Variants in PTBP2 observed in about 807,000 individuals in gnomAD.
The protein encoded by PTBP2 is polypyrimidine tract binding protein 2.
A neutral mutation model predicts 61.4 loss-of-function variants in PTBP2; 13 were observed. The ratio of observed to expected loss-of-function variants is 0.21; its 90% CI spans 0.14 to 0.34. PTBP2 has a LOEUF of 0.34. Ranked by LOEUF, PTBP2 falls within the 10% of genes least tolerant of loss-of-function variation. The probability of loss-of-function intolerance (pLI) is 1.00; values close to 1 mark genes in which losing one functional copy is unlikely to be tolerated. For synonymous variants in PTBP2, 215 were observed against 218.5 expected, an observed-to-expected ratio of 0.98 and a Z score of 0.14; for missense variants, 405 against 642.6, an observed-to-expected ratio of 0.63 and a Z score of 4.00.
At chr1:96,792,920 A>G (rs1243481874) in intron 8 of PTBP2, among the ~76,000 whole-genome samples, 1 of 152,204 alleles carries the variant, frequency 6.6e-6, no homozygotes, top group African/African-American at 2.4e-5. Context: ...CTGTCCCCCA[A>G]GAAAGACCAA....
chr1:96,761,081 AG>A (rs1186009308), intron 3 of PTBP2, among the ~76,000 whole-genome samples: 1 of 152,218 alleles, frequency 6.6e-6, no homozygotes, highest in Non-Finnish European at 1.5e-5. Flanking sequence ...ATTTCTTGAA[AG>A]TTTAAGAGCA....
At chr1:96,787,364 G>C (rs1250352968) in intron 8 of PTBP2, among the ~76,000 whole-genome samples, 3 of 152,102 alleles carry the variant, frequency 2.0e-5, no homozygotes, top group Non-Finnish European at 4.4e-5. Context: ...TTACATTAAA[G>C]GCGTGTAAAT....
At chr1:96,760,648 T>C (rs917536742) in intron 3 of PTBP2, among the ~76,000 whole-genome samples, 2 of 152,084 alleles carry the variant, frequency 1.3e-5, no homozygotes, top group Middle Eastern at 3.2e-3. Flanking sequence ...GGTTTCGCCA[T>C]GTTGGCCAGG....
chr1:96,803,416 G>A (rs559522499), intron 8 of PTBP2, among the ~76,000 whole-genome samples: 1 of 150,616 alleles, frequency 6.6e-6, no homozygotes, highest in African/African-American at 2.4e-5. Context: ...AGCAAAGTAA[G>A]AAAAAAAGGA....
chr1:96,725,802 G>T (rs116480669), intron 2 of PTBP2, among the ~76,000 whole-genome samples: 8 of 151,724 alleles, frequency 5.3e-5, no homozygotes, highest in Non-Finnish European at 1.0e-4. Flanking sequence ...AATTCAGGCC[G>T]GGCGCGGTGG....
intron 3 of PTBP2, among the ~76,000 whole-genome samples, chr1:96,761,125 T>C (rs779524695): frequency 1.3e-5 from 2 of 152,166 alleles, no homozygotes; most frequent in Non-Finnish European, 2.9e-5. Context: ...AACCAGAATG[T>C]TGGAGATTAA....
chr1:96,802,376 A>G (rs905300988), intron 8 of PTBP2, among the ~76,000 whole-genome samples: 3 of 152,192 alleles, frequency 2.0e-5, no homozygotes, highest in Non-Finnish European at 4.4e-5. Context: ...GGAGATACAG[A>G]GTATTTTAAT....
intron 11 of PTBP2, among the ~76,000 whole-genome samples, chr1:96,807,982 C>T (rs1661663288): frequency 1.3e-5 from 2 of 152,102 alleles, no homozygotes; most frequent in South Asian, 4.1e-4. Context: ...CTGTTGTTTT[C>T]ATATATGTTG....
At chr1:96,772,360 C>T (rs1300611312) in intron 5 of PTBP2, among the ~76,000 whole-genome samples, 3 of 152,164 alleles carry the variant, frequency 2.0e-5, no homozygotes, top group Admixed American at 6.5e-5. Flanking sequence ...CATCAGTCAA[C>T]TCATTAGCAT....
chr1:96,810,514 G>A (rs1218773156), intron 11 of PTBP2, among the ~76,000 whole-genome samples: 1 of 152,118 alleles, frequency 6.6e-6, no homozygotes, highest in Non-Finnish European at 1.5e-5. Context: ...GCTACTTCCT[G>A]AGGTAGCTGT....
intron 2 of PTBP2, among the ~76,000 whole-genome samples, chr1:96,728,999 T>G (rs553008162): frequency 1.3e-5 from 2 of 152,276 alleles, no homozygotes; most frequent in South Asian, 2.1e-4. Flanking sequence ...CTAAACTCAT[T>G]TAGTAGATCT....
chr1:96,772,958 CAA>C (rs748334688), intron 5 of PTBP2, among the ~76,000 whole-genome samples: 8 of 115,290 alleles, frequency 6.9e-5, no homozygotes, highest in Non-Finnish European at 7.6e-5. Flanking sequence ...ACTAAAAATA[CAA>C]AAAAAAAAAA....
At chr1:96,723,698 C>G in intron 2 of PTBP2, 104 bp downstream of exon 2, 1 of 986,846 alleles carries the variant, frequency 1.0e-6, no homozygotes, top group Non-Finnish European at 1.5e-6. Flanking sequence ...GCTAACAAAA[C>G]CCAAGTGTAA....
chr1:96,775,507 T>A (rs1178202984), intron 5 of PTBP2, among the ~76,000 whole-genome samples: 1 of 152,182 alleles, frequency 6.6e-6, no homozygotes, highest in African/African-American at 2.4e-5. Context: ...ATCATAATTA[T>A]TGGAAGAAGC....
chr1:96,811,634 C>CT (rs1469739011), intron 11 of PTBP2, among the ~76,000 whole-genome samples: 5 of 152,080 alleles, frequency 3.3e-5, no homozygotes, highest in Admixed American at 3.3e-4. Context: ...CCAGGCTGGT[C>CT]TCGAACTCCT....
intron 2 of PTBP2, among the ~76,000 whole-genome samples, chr1:96,740,869 T>C (rs1017468301): frequency 5.9e-5 from 9 of 152,024 alleles, no homozygotes; most frequent in Admixed American, 5.9e-4. Context: ...TTTGACGAGA[T>C]TGATTTGTCA....
chr1:96,774,863 C>G (rs181147218), intron 5 of PTBP2, among the ~76,000 whole-genome samples: 85 of 152,238 alleles, frequency 5.6e-4, no homozygotes, highest in African/African-American at 1.9e-3. Flanking sequence ...ATGACTACTC[C>G]CACCCTATTT....
intron 8 of PTBP2, 49 bp downstream of exon 8, chr1:96,785,303 A>C: frequency 7.1e-7 from 1 of 1,400,936 alleles, no homozygotes; most frequent in Non-Finnish European, 9.6e-7. Context: ...TGCCAAATGG[A>C]AAAGTACCAG....
At chr1:96,763,402 C>T (rs1421834717) in intron 3 of PTBP2, among the ~76,000 whole-genome samples, 1 of 152,148 alleles carries the variant, frequency 6.6e-6, no homozygotes, top group East Asian at 1.9e-4. Context: ...ACAGCGAAAC[C>T]CCGTCTCCAC....
Sources: gnomAD v4.1 joint callset for allele counts (sites outside exome capture counted in the v4.1 genomes callset) on GRCh38, gnomAD v4.1.1 for gene constraint, MANE v1.5 for transcripts, NCBI Gene and HGNC (gene_info 2026-07-23, HGNC 2026-07-21) for gene names.